Variants in NR3C1 observed in about 807,000 individuals in gnomAD.
NR3C1 encodes nuclear receptor subfamily 3 group C member 1.
A neutral mutation model predicts 74.0 loss-of-function variants in NR3C1; 14 were observed. That is an observed-to-expected ratio of 0.19 (90% confidence interval 0.12 to 0.30). The LOEUF (loss-of-function observed/expected upper bound fraction) is 0.30. Ranked by LOEUF, NR3C1 falls within the 10% of genes least tolerant of loss-of-function variation. The pLI is 1.00. For synonymous variants in NR3C1, 308 were observed against 332.5 expected (o/e 0.93, Z 0.80); for missense variants, 695 against 909.8 (o/e 0.76, Z 3.04).
intron 1 of NR3C1, among the ~76,000 whole-genome samples, chr5:143,433,460 A>ATATATAATTTATTTCTTTAAAT (rs1413693943): frequency 6.8e-6 from 1 of 146,004 alleles, no homozygotes; most frequent in Non-Finnish European, 1.5e-5. Flanking sequence ...AATTATATAT[A>ATATATAATTTATTTCTTTAAAT]TATATATATA....
upstream of NR3C1, chr5:143,404,152 G>A (rs1840875712): frequency 3.0e-6 from 3 of 985,322 alleles, no homozygotes; most frequent in East Asian, 1.1e-4. Flanking sequence ...GACAGCGGGC[G>A]GGCCACAAGA....
upstream of NR3C1, chr5:143,404,456 C>T (rs547979249): frequency 1.0e-6 from 1 of 985,366 alleles, no homozygotes; most frequent in South Asian, 4.7e-5. Flanking sequence ...GCTGCCGCCG[C>T]CGCGCTCTCG....
chr5:143,389,947 G>T, intron 2 of NR3C1: 33 of 977,700 alleles, frequency 3.4e-5, no homozygotes, highest in Non-Finnish European at 4.0e-5. Flanking sequence ...CTTTTGGGGA[G>T]AAAGAACAAA....
chr5:143,298,906 C>A, intron 5 of NR3C1, 94 bp from the exon 6 acceptor site: 2 of 1,250,612 alleles, frequency 1.6e-6, no homozygotes, highest in Non-Finnish European at 2.3e-6. Context: ...TTAGCCCTGT[C>A]AAAACAAGGG....
At chr5:143,384,322 G>C (rs190342102) in intron 2 of NR3C1, among the ~76,000 whole-genome samples, 1 of 152,024 alleles carries the variant, frequency 6.6e-6, no homozygotes, top group Admixed American at 6.6e-5. Context: ...TCTGCCCCCG[G>C]CCCCTCCTAA....
In NR3C1 at chr5:143,314,157, C is replaced by T. The variant is rs772483223; in HGVS notation, c.1196G>A (p.Arg399Lys). Residue 399 changes from arginine (R) to lysine (K), a missense_variant, in exon 3 of 9, where the codon AGA (arginine) becomes AAA (lysine). This residue lies in a region of NR3C1 where 497 missense variants were observed against 489.5 expected (regional missense o/e 1.02). Coordinates refer to ENST00000394464, the MANE Select transcript of NR3C1 (RefSeq NM_000176.3). ...FSNGYSSPSM[R>K]PDVSSPPSSS... ...GGATGGAGGAGAGCTTACATCTGGT[C>T]TCATGCTGGGGCTAAAGAAGGGGAA... 1 of 1,613,572 alleles carries T rather than the reference C, an allele frequency of 6.2e-7. No homozygotes were observed. Among genetic ancestry groups the T allele is most frequent in the Non-Finnish European group, 8.5e-7 (1 of 1,179,722 alleles).
intron 2 of NR3C1, among the ~76,000 whole-genome samples, chr5:143,324,875 G>C (rs1193111064): frequency 2.0e-5 from 3 of 152,194 alleles, no homozygotes; most frequent in African/African-American, 4.8e-5. Context: ...AATGCTGCCA[G>C]TCTTTTTGCT....
intron 7 of NR3C1, chr5:143,293,846 TATACA>T (rs1288535275): frequency 1.0e-6 from 1 of 959,994 alleles, no homozygotes; most frequent in Non-Finnish European, 1.2e-6. Context: ...GTCTGGGATG[TATACA>T]ATTGAAACCA....
At chr5:143,389,212 G>T (rs942463344) in intron 2 of NR3C1, among the ~76,000 whole-genome samples, 9 of 152,044 alleles carry the variant, frequency 5.9e-5, no homozygotes, top group African/African-American at 1.7e-4. Flanking sequence ...ATGCTGCTGG[G>T]GATATTCATC....
intron 1 of NR3C1, among the ~76,000 whole-genome samples, chr5:143,422,442 G>A (rs957749492): frequency 1.3e-5 from 2 of 152,186 alleles, no homozygotes; most frequent in African/African-American, 4.8e-5. Context: ...GGGGTGCTAT[G>A]TTCTGAATGT....
intron 1 of NR3C1, chr5:143,408,933 G>A (rs1841205346): frequency 1.3e-5 from 2 of 152,144 alleles, no homozygotes; most frequent in African/African-American, 4.8e-5. Context: ...AGTCAAGGAA[G>A]GCTATAGGGC....
chr5:143,396,470 G>A (rs1029389379), intron 2 of NR3C1, among the ~76,000 whole-genome samples: 24 of 151,684 alleles, frequency 1.6e-4, no homozygotes, highest in Non-Finnish European at 3.0e-5. Context: ...GTATCCATGG[G>A]GGTGAGGGTA....
intron 7 of NR3C1, chr5:143,293,878 T>C: frequency 1.0e-6 from 1 of 980,620 alleles, no homozygotes; most frequent in Non-Finnish European, 1.2e-6. Context: ...TTTTTTTTTT[T>C]TTAAACAAGT....
At chr5:143,319,618 C>T (rs780657404) in intron 2 of NR3C1, among the ~76,000 whole-genome samples, 1 of 152,122 alleles carries the variant, frequency 6.6e-6, no homozygotes, top group Non-Finnish European at 1.5e-5. Context: ...TCTGAAAACA[C>T]TTTTGGTTAT....
intron 2 of NR3C1, among the ~76,000 whole-genome samples, chr5:143,351,275 C>T (rs1195044296): frequency 6.6e-6 from 1 of 152,130 alleles, no homozygotes; most frequent in Non-Finnish European, 1.5e-5. Context: ...CATAATGGTT[C>T]TCTACTGCCT....
intron 2 of NR3C1, among the ~76,000 whole-genome samples, chr5:143,352,656 A>G (rs1012695216): frequency 2.0e-5 from 3 of 152,214 alleles, no homozygotes; most frequent in African/African-American, 7.2e-5. Flanking sequence ...TACATATAAA[A>G]GTTATATTTA....
intron 2 of NR3C1, among the ~76,000 whole-genome samples, chr5:143,387,703 A>G (rs1168267602): frequency 6.6e-6 from 1 of 152,180 alleles, no homozygotes; most frequent in African/African-American, 2.4e-5. Flanking sequence ...TATTAGGTTG[A>G]ACTCTCCTAT....
intron 2 of NR3C1, among the ~76,000 whole-genome samples, chr5:143,381,640 G>A (rs1836267203): frequency 6.6e-6 from 1 of 152,190 alleles, no homozygotes; most frequent in East Asian, 1.9e-4. Context: ...CACCTACAGT[G>A]AACTCATTTT....
At chr5:143,282,841 A>G in intron 7 of NR3C1, 116 bp from the exon 8 acceptor site, 1 of 1,116,776 alleles carries the variant, frequency 9.0e-7, no homozygotes. Flanking sequence ...GTGCAGTGGC[A>G]TAATCATAGC....
Sources: allele counts gnomAD v4.1 joint callset (sites outside exome capture counted in the v4.1 genomes callset), GRCh38; gene constraint gnomAD v4.1.1; regional missense constraint gnomAD v4.1.1; transcripts MANE v1.5; gene names NCBI Gene and HGNC (gene_info 2026-07-23, HGNC 2026-07-21).